Variants in CLVS1 observed in about 807,000 individuals in gnomAD.
The protein encoded by CLVS1 is clavesin 1, also known as clavesin-1.
In CLVS1, 10 loss-of-function variants were observed where a neutral mutation model predicts 33.1. The observed-to-expected ratio is 0.30, with a 90% CI of 0.19 to 0.51. CLVS1 has a LOEUF of 0.51. Among genes scored for constraint, CLVS1 ranks in the 20% least tolerant of loss-of-function variants. The probability of loss-of-function intolerance (pLI) is 0.97; values close to 1 mark genes in which losing one functional copy is unlikely to be tolerated. For missense variants in CLVS1, 343 were observed against 433.4 expected (o/e 0.79, Z 1.85); for synonymous variants, 163 against 166.1 (o/e 0.98, Z 0.14).
intron 1 of CLVS1, among the ~76,000 whole-genome samples, chr8:61,292,878 A>C (rs1810047107): frequency 6.6e-6 from 1 of 152,188 alleles, no homozygotes; most frequent in African/African-American, 2.4e-5. Flanking sequence ...TGCCCCAAAG[A>C]AAACTGCAAA....
At chr8:61,441,935 G>A (rs1163167799) in intron 3 of CLVS1, among the ~76,000 whole-genome samples, 3 of 152,106 alleles carry the variant, frequency 2.0e-5, no homozygotes, top group Non-Finnish European at 4.4e-5. Flanking sequence ...CTTGTGCCTC[G>A]CAATTTATCA....
chr8:61,453,255 G>A (rs951200469), intron 3 of CLVS1, among the ~76,000 whole-genome samples: 6 of 151,750 alleles, frequency 4.0e-5, no homozygotes, highest in South Asian at 4.2e-4. Context: ...GGGAGATCTC[G>A]GGACCTGGTC....
At chr8:61,176,739 A>G (rs964014973) in intron 2 of CLVS1, among the ~76,000 whole-genome samples, 4 of 151,918 alleles carry the variant, frequency 2.6e-5, no homozygotes, top group African/African-American at 9.7e-5. Flanking sequence ...GAGGCGGGGG[A>G]GCCCTCACCC....
chr8:61,042,435 A>G, the CLVS1 span, among the ~76,000 whole-genome samples: 1 of 152,228 alleles, frequency 6.6e-6, no homozygotes, highest in African/African-American at 2.4e-5. Context: ...ATCAGGAACT[A>G]GGTGGCTTAT....
chr8:61,071,235 G>A (rs747779489), intron 1 of CLVS1, among the ~76,000 whole-genome samples: 11 of 152,224 alleles, frequency 7.2e-5, no homozygotes, highest in Non-Finnish European at 1.5e-4. Flanking sequence ...TGTTGCTGCT[G>A]TAAGAAAGTA....
intron 2 of CLVS1, chr8:61,300,593 T>A (rs1300317849): frequency 4.4e-6 from 1 of 225,026 alleles, no homozygotes; most frequent in African/African-American, 2.3e-5. Flanking sequence ...GGTGTTCTCA[T>A]CTTTAATAAG....
chr8:61,312,482 GT>G (rs748023999), intron 2 of CLVS1, among the ~76,000 whole-genome samples: 9 of 152,148 alleles, frequency 5.9e-5, no homozygotes, highest in Non-Finnish European at 1.2e-4. Flanking sequence ...GTGATGTGTT[GT>G]TTTTTCTTTG....
chr8:61,001,524 A>G, the CLVS1 span, among the ~76,000 whole-genome samples: 10 of 152,272 alleles, frequency 6.6e-5, no homozygotes, highest in Admixed American at 5.2e-4. Flanking sequence ...TTGTCCAAAC[A>G]CACCTTACAG....
At chr8:61,048,409 C>T in the CLVS1 span, among the ~76,000 whole-genome samples, 14 of 152,170 alleles carry the variant, frequency 9.2e-5, no homozygotes, top group African/African-American at 3.4e-4. Flanking sequence ...ATGGAGTGAA[C>T]TCAGTGTGAG....
At chr8:61,040,841 C>T in the CLVS1 span, among the ~76,000 whole-genome samples, 1 of 152,140 alleles carries the variant, frequency 6.6e-6, no homozygotes, top group South Asian at 2.1e-4. Context: ...TTAATTAAGT[C>T]CCACTTGTCA....
At chr8:61,202,762 A>G in intron 2 of CLVS1, 1 of 1,570,320 alleles carries the variant, frequency 6.4e-7, no homozygotes, top group East Asian at 2.2e-5. Context: ...ACTCTTAAGT[A>G]TATCTGGAAA....
chr8:61,482,354 T>A (rs531687827), intron 5 of CLVS1, among the ~76,000 whole-genome samples: 4 of 152,346 alleles, frequency 2.6e-5, no homozygotes, highest in African/African-American at 9.6e-5. Context: ...GGAGAATGAC[T>A]TTGATGAGTT....
In CLVS1 at chr8:61,423,642, C is replaced by T. The variant is rs188470527; in HGVS notation, c.631-30499C>T. On this transcript the variant is annotated intron_variant, in intron 3 of 5. Coordinates refer to ENST00000325897, the MANE Select transcript of CLVS1 (RefSeq NM_173519.3). Reference sequence around the variant, plus strand: ...AAGGATGTGTCAAAAAATAAGTGTACAAGTATAAACCTGTATGGAAAAATT... The same window carrying T: ...AAGGATGTGTCAAAAAATAAGTGTATAAGTATAAACCTGTATGGAAAAATT... Among the ~76,000 whole-genome samples, 540 of 152,242 alleles carry T rather than the reference C, an allele frequency of 3.5e-3. 2 individuals carry two copies. The highest frequency in any genetic ancestry group is 0.012 in the African/African-American group (492 of 41,540).
chr8:61,106,286 C>A (rs779046832), intron 1 of CLVS1, among the ~76,000 whole-genome samples: 1 of 152,190 alleles, frequency 6.6e-6, no homozygotes, highest in South Asian at 2.1e-4. Flanking sequence ...GGAAACAAAA[C>A]AACACACAAG....
intron 2 of CLVS1, among the ~76,000 whole-genome samples, chr8:61,350,626 T>C (rs1397411214): frequency 1.3e-5 from 2 of 152,130 alleles, no homozygotes; most frequent in African/African-American, 4.8e-5. Flanking sequence ...GCTTAGAAAA[T>C]ACATCTTCTC....
intron 2 of CLVS1, among the ~76,000 whole-genome samples, chr8:61,268,452 T>C (rs1251636161): frequency 2.0e-5 from 3 of 151,628 alleles, no homozygotes; most frequent in Admixed American, 1.3e-4. Flanking sequence ...GTCTTTGCTA[T>C]GGTGAATAAT....
At chr8:61,277,426 G>C (rs1809580014) in intron 2 of CLVS1, among the ~76,000 whole-genome samples, 1 of 152,176 alleles carries the variant, frequency 6.6e-6, no homozygotes, top group African/African-American at 2.4e-5. Context: ...GATGAGCTTT[G>C]TTGTGTATGA....
intron 1 of CLVS1, among the ~76,000 whole-genome samples, chr8:61,113,061 C>G (rs538912612): frequency 1.3e-5 from 2 of 152,204 alleles, no homozygotes; most frequent in African/African-American, 2.4e-5. Context: ...GGACAGGAGG[C>G]GGCCCTCACT....
intron 1 of CLVS1, among the ~76,000 whole-genome samples, chr8:61,125,645 C>T (rs1285170297): frequency 2.0e-5 from 3 of 152,158 alleles, no homozygotes. Context: ...AAACTTTCAA[C>T]TATTGTTTAA....
Sources: gnomAD v4.1 joint callset for allele counts (sites outside exome capture counted in the v4.1 genomes callset) on GRCh38, gnomAD v4.1.1 for gene constraint, MANE v1.5 for transcripts, NCBI Gene and HGNC (gene_info 2026-07-23, HGNC 2026-07-21) for gene names.